RANBP17: variants seen among roughly 807,000 people sequenced by gnomAD.
The protein encoded by RANBP17 is RAN binding protein 17, also known as ran-binding protein 17.
In RANBP17, 158 loss-of-function variants were observed where a neutral mutation model predicts 141.2. The ratio of observed to expected loss-of-function variants is 1.12; its 90% CI spans 0.98 to 1.28. The LOEUF is 1.28. RANBP17 is among the 50% of genes most tolerant of loss of function. The probability of loss-of-function intolerance (pLI) is 0.00; values close to 1 mark genes in which losing one functional copy is unlikely to be tolerated. For synonymous variants in RANBP17, 430 were observed against 450.0 expected (o/e 0.96, Z 0.56); for missense variants, 1,438 against 1,290.7 (o/e 1.11, Z -1.75).
At chr5:170,934,354 T>C (rs902777013) in intron 12 of RANBP17, among the ~76,000 whole-genome samples, 1 of 152,208 alleles carries the variant, frequency 6.6e-6, no homozygotes, top group Non-Finnish European at 1.5e-5. Flanking sequence ...TGATGGGTCT[T>C]GAATTTGATC....
intron 25 of RANBP17, among the ~76,000 whole-genome samples, chr5:171,277,512 T>G (rs1767565466): frequency 6.7e-6 from 1 of 150,160 alleles, no homozygotes; most frequent in African/African-American, 2.4e-5. Flanking sequence ...GATGTCGCTA[T>G]AGAAGGAAAA....
intron 1 of RANBP17, among the ~76,000 whole-genome samples, chr5:170,864,233 T>A (rs1767054848): frequency 6.6e-6 from 1 of 152,232 alleles, no homozygotes; most frequent in South Asian, 2.1e-4. Flanking sequence ...TACTGTCACC[T>A]ACCCAAAAGG....
In RANBP17 at chr5:171,126,977, C is replaced by G. The variant is rs561549680; in HGVS notation, c.1711-43153C>G. ...TGGAGAGAATTCTTTCTAAGACATT[C>G]TATAAGGTCGGCAATACCTTGATAC... On this transcript the variant is annotated intron_variant, in intron 14 of 27. Transcript: ENST00000523189. Among the ~76,000 whole-genome samples, 11 of 152,294 alleles carry G rather than the reference C, an allele frequency of 7.2e-5. No individual in the cohort carries two copies. The East Asian group carries it at 1.9e-3, about 27-fold the overall frequency.
At chr5:170,958,059 A>C (rs1277892999) in intron 13 of RANBP17, among the ~76,000 whole-genome samples, 1 of 141,602 alleles carries the variant, frequency 7.1e-6, no homozygotes, top group Non-Finnish European at 1.6e-5. Context: ...GAGAAAATAC[A>C]ACTGGTTGCT....
rs1307354539 is a variant in RANBP17 at position 171,155,104 on chromosome 5, T to A, written c.1711-15026T>A. ...AAAAAAAAAAAAAAAAATATATATATATATATATATATATATGTACACACA... is the reference window on the plus strand; with the variant it reads ...AAAAAAAAAAAAAAAAATATATATAAATATATATATATATATGTACACACA... On this transcript the variant is annotated intron_variant, in intron 14 of 27. Coordinates refer to ENST00000523189, the MANE Select transcript of RANBP17 (RefSeq NM_022897.5). 4.0e-3 allele frequency among the ~76,000 whole-genome samples: 510 copies of A among 127,530 alleles called. 2 individuals carry two copies. Among genetic ancestry groups the A allele is most frequent in the South Asian group, 0.014 (58 of 4,240 alleles). The allele number at this position is 127,530 out of a possible 152,430, so 83.7% of individuals were successfully genotyped here. A position where few individuals can be genotyped will look rare whatever the true frequency, so the allele number is the denominator to read the frequency against.
intron 24 of RANBP17, 63 bp downstream of exon 24, chr5:171,242,883 T>C: frequency 2.8e-6 from 4 of 1,452,036 alleles, no homozygotes; most frequent in Non-Finnish European, 3.8e-6. Flanking sequence ...TTAATGTATG[T>C]GATTATTGAG....
intron 24 of RANBP17, chr5:171,252,593 G>C (rs1180852291): frequency 7.4e-7 from 1 of 1,352,280 alleles, no homozygotes; most frequent in East Asian, 2.3e-5. Flanking sequence ...CACCTGAAGA[G>C]ATTTAAATAT....
chr5:171,230,933 G>GTTTTTTTTTTTT (rs1764168350), intron 22 of RANBP17, among the ~76,000 whole-genome samples: 1 of 151,370 alleles, frequency 6.6e-6, no homozygotes, highest in Admixed American at 6.6e-5. Context: ...GGCTTTTTTT[G>GTTTTTTTTTTTT]GTTTTGTTTT....
At chr5:171,259,577 A>T (rs1030673572) in intron 24 of RANBP17, among the ~76,000 whole-genome samples, 1 of 152,254 alleles carries the variant, frequency 6.6e-6, no homozygotes, top group South Asian at 2.1e-4. Context: ...AGCGACATGG[A>T]TGGAACTGGA....
At chr5:171,224,852 C>T (rs373304611) in intron 22 of RANBP17, among the ~76,000 whole-genome samples, 7 of 152,138 alleles carry the variant, frequency 4.6e-5, no homozygotes, top group African/African-American at 1.7e-4. Context: ...TATATTAGAC[C>T]ATTTACCATA....
chr5:171,117,910 C>T (rs942791210), intron 14 of RANBP17, among the ~76,000 whole-genome samples: 4 of 151,946 alleles, frequency 2.6e-5, no homozygotes, highest in Non-Finnish European at 5.9e-5. Context: ...AGATATTAAT[C>T]CCTTGCCAAT....
chr5:170,978,852 T>C (rs1777569383), intron 14 of RANBP17, among the ~76,000 whole-genome samples: 2 of 152,142 alleles, frequency 1.3e-5, no homozygotes, highest in South Asian at 4.1e-4. Context: ...TTTGCCTCAA[T>C]TAATTTTTTT....
At chr5:170,878,434 G>A (rs1231202632) in intron 2 of RANBP17, among the ~76,000 whole-genome samples, 191 bp downstream of exon 2, 1 of 152,110 alleles carries the variant, frequency 6.6e-6, no homozygotes, top group South Asian at 2.1e-4. Context: ...CAAACTTAGG[G>A]AAGAGCCAGG....
intron 14 of RANBP17, among the ~76,000 whole-genome samples, chr5:171,155,102 T>TAC (rs935848028): frequency 7.2e-5 from 9 of 125,282 alleles, no homozygotes; most frequent in Non-Finnish European, 1.3e-4. Flanking sequence ...AAAATATATA[T>TAC]ATATATATAT....
chr5:170,943,030 G>A (rs1774457018), intron 12 of RANBP17, among the ~76,000 whole-genome samples: 1 of 152,092 alleles, frequency 6.6e-6, no homozygotes, highest in Admixed American at 6.5e-5. Flanking sequence ...GTAATATAAT[G>A]CCTAGTACTT....
At chr5:171,254,505 G>A (rs1765767169) in intron 24 of RANBP17, among the ~76,000 whole-genome samples, 2 of 152,132 alleles carry the variant, frequency 1.3e-5, no homozygotes, top group East Asian at 3.9e-4. Context: ...TTTTAATCAA[G>A]TAGACTAGGA....
At chr5:171,076,525 G>C (rs887325915) in intron 14 of RANBP17, among the ~76,000 whole-genome samples, 1 of 152,152 alleles carries the variant, frequency 6.6e-6, no homozygotes, top group Non-Finnish European at 1.5e-5. Context: ...AATGAACAAG[G>C]GCTCCTGGGA....
At chr5:171,195,774 G>A (rs1253089122) in intron 18 of RANBP17, among the ~76,000 whole-genome samples, 1 of 152,142 alleles carries the variant, frequency 6.6e-6, no homozygotes, top group African/African-American at 2.4e-5. Flanking sequence ...GAGGATGTTG[G>A]GCAGGCTATC....
At position 171,214,217 on chromosome 5, in the gene RANBP17, C is replaced by T. The variant is rs191100555; in HGVS notation, c.2339+479C>T. Among the ~76,000 whole-genome samples, 270 of 152,280 alleles carry T rather than the reference C, an allele frequency of 1.8e-3. 2 individuals carry two copies. The highest frequency in any genetic ancestry group is 6.3e-3 in the African/African-American group (262 of 41,568). ...AATTATTCCTGCTTTCACTTCTAAG[C>T]TATACTTCTTCCTTTATGCCAAGAT... On this transcript the variant is annotated intron_variant, in intron 21 of 27. Coordinates refer to ENST00000523189, the MANE Select transcript of RANBP17 (RefSeq NM_022897.5).
Sources: gnomAD v4.1 joint callset for allele counts (sites outside exome capture counted in the v4.1 genomes callset) on GRCh38, gnomAD v4.1.1 for gene constraint, MANE v1.5 for transcripts, NCBI Gene and HGNC (gene_info 2026-07-23, HGNC 2026-07-21) for gene names.